Variants in MPHOSPH10 observed in about 807,000 individuals in gnomAD.
MPHOSPH10 encodes the protein U3 small nucleolar ribonucleoprotein MPP10.
A neutral mutation model predicts 77.3 loss-of-function variants in MPHOSPH10; 33 were observed. That is an observed-to-expected ratio of 0.43 (90% CI 0.32 to 0.57). MPHOSPH10 has a LOEUF of 0.57. MPHOSPH10 is among the 20% of genes least tolerant of loss of function. The probability of loss-of-function intolerance (pLI) is 0.07; values close to 1 mark genes in which losing one functional copy is unlikely to be tolerated. For missense variants in MPHOSPH10, 708 were observed against 780.1 expected, an observed-to-expected ratio of 0.91 and a Z score of 1.10; for synonymous variants, 245 against 268.0, an observed-to-expected ratio of 0.91 and a Z score of 0.84.
intron 7 of MPHOSPH10, among the ~76,000 whole-genome samples, chr2:71,143,052 A>G (rs1175978189): frequency 1.3e-5 from 2 of 152,216 alleles, no homozygotes; most frequent in Non-Finnish European, 2.9e-5. Context: ...TTAACACATT[A>G]CATGTAAATA....
chr2:71,148,017 G>C lies in MPHOSPH10; in HGVS notation c.1576G>C (p.Val526Leu). Residue 526 changes from valine to leucine, a missense_variant, in exon 9 of 11, where the codon GTT becomes CTT. Transcript: ENST00000244230. ...TTTCTAGCCTGTACCAGAGATTAAA[G>C]TTGTGTCAAATCTGCCAGCCATAAC... ...IPKPPVPEIK[V>L]VSNLPAITME... 1 of 1,614,036 alleles carries C rather than the reference G, an allele frequency of 6.2e-7. No homozygotes were observed. The highest frequency in any genetic ancestry group is 8.5e-7 in the Non-Finnish European group (1 of 1,179,908).
chr2:71,133,200 A>C lies in MPHOSPH10; in HGVS notation c.392A>C (p.Glu131Ala). Residue 131 changes from glutamate (E) to alanine (A), a missense_variant, in exon 2 of 11, where the codon GAA becomes GCA. Coordinates refer to ENST00000244230, the MANE Select transcript of MPHOSPH10 (RefSeq NM_005791.3). ...EIEADDKEDL[E>A]DLEEEEVSDM... is the part of the protein sequence containing the mutation. ...GAGGCTGATGACAAGGAGGACCTAG[A>C]AGATTTAGAGGAGGAGGAAGTGTCC... 6.2e-7 allele frequency: 1 copy of C among 1,614,186 alleles called. No homozygotes were observed. The highest frequency in any genetic ancestry group is 1.1e-5 in the South Asian group (1 of 91,084).
intron 4 of MPHOSPH10, among the ~76,000 whole-genome samples, chr2:71,137,530 G>A (rs1016421428): frequency 3.3e-5 from 5 of 151,888 alleles, no homozygotes; most frequent in African/African-American, 1.2e-4. Context: ...GTGGTTGCAC[G>A]CGCCTGTGGT....
chr2:71,133,970 T>G lies in MPHOSPH10; in HGVS notation c.791T>G (p.Leu264Arg). Residue 264 changes from leucine to arginine, a missense_variant, in exon 3 of 11, where the codon CTG becomes CGG. By Grantham distance (102) the Leu-to-Arg change is moderately radical. Coordinates refer to ENST00000244230, the MANE Select transcript of MPHOSPH10 (RefSeq NM_005791.3). ...TAGTCAGGTAAAAGTTCCAGAAATC[T>G]GAAATACAAAGATTTTTTTGATCCA... is the stretch of plus-strand genomic sequence containing the variant. ...KLKSGKSSRN[L>R]KYKDFFDPVE... 2 of 1,579,470 alleles carry G rather than the reference T, an allele frequency of 1.3e-6. No individual in the cohort carries two copies. The highest frequency in any genetic ancestry group is 1.7e-6 in the Non-Finnish European group (2 of 1,163,106).
intron 10 of MPHOSPH10, 125 bp from the exon 11 acceptor site, chr2:71,149,741 T>C (rs1673786036): frequency 1.2e-6 from 1 of 868,906 alleles, no homozygotes; most frequent in East Asian, 2.5e-5. Flanking sequence ...TTCAGTTTTC[T>C]GTAATTCTAG....
At chr2:71,131,474 C>T (rs537910024) in intron 1 of MPHOSPH10, among the ~76,000 whole-genome samples, 1 of 152,262 alleles carries the variant, frequency 6.6e-6, no homozygotes, top group African/African-American at 2.4e-5. Flanking sequence ...CTCTGCCATC[C>T]CCTGAAGTCC....
Position 71,134,771 on chromosome 2 carries a change from T to C in MPHOSPH10, c.1072T>C (p.Ser358Pro). The change falls in exon 4 of 11, where the codon TCC (serine) becomes CCC (proline). Residue 358 changes from serine (S) to proline (P), a missense_variant. Physicochemically the swap from Ser to Pro is moderately conservative, Grantham distance 74. Transcript: ENST00000244230. ...NVKKNSDEVK[S>P]SFEKRQEKMN... The stretch of plus-strand genomic sequence containing the variant: ...AAAGAAAAATTCTGATGAAGTTAAA[T>C]CCTCCTTTGAAAAAAGACAGGAAAA... 7.5e-6 allele frequency: 12 copies of C among 1,592,466 alleles called. No homozygotes were observed. The highest frequency in any genetic ancestry group is 1.0e-5 in the Non-Finnish European group (12 of 1,170,968).
chr2:71,131,383 T>C (rs1673375778), intron 1 of MPHOSPH10, among the ~76,000 whole-genome samples: 1 of 152,226 alleles, frequency 6.6e-6, no homozygotes, highest in South Asian at 2.1e-4. Context: ...ATTTTGGTAC[T>C]GTCAAGCATC....
In MPHOSPH10 at chr2:71,132,944, C is replaced by A. The variant is rs751222851; in HGVS notation, c.136C>A (p.Leu46Ile). The change falls in exon 2 of 11, where the codon CTT (leucine) becomes ATT (isoleucine). Residue 46 changes from leucine (L) to isoleucine (I), a missense_variant. Transcript: ENST00000244230. ...ASKFTSLTKV[L>I]YDFNKILENG... The stretch of plus-strand genomic sequence containing the variant: ...AAAGTTCACTTCTTTAACAAAAGTG[C>A]TTTATGACTTTAATAAAATATTAGA... 6.2e-7 allele frequency: 1 copy of A among 1,613,128 alleles called. No individual in the cohort carries two copies. Among genetic ancestry groups the A allele is most frequent in the Non-Finnish European group, 8.5e-7 (1 of 1,179,682 alleles).
At chr2:71,138,101 A>G (rs1673530735) in intron 4 of MPHOSPH10, among the ~76,000 whole-genome samples, 1 of 152,242 alleles carries the variant, frequency 6.6e-6, no homozygotes, top group Admixed American at 6.5e-5. Flanking sequence ...AAATTTTAAA[A>G]AAAGAAGTTA....
intron 4 of MPHOSPH10, 76 bp downstream of exon 4, chr2:71,134,873 A>G: frequency 1.6e-6 from 2 of 1,217,310 alleles, no homozygotes; most frequent in Non-Finnish European, 2.3e-6. Flanking sequence ...ATCCTTTGAA[A>G]ACAAATATCT....
chr2:71,133,836 GTTA>G (rs1673434889), intron 2 of MPHOSPH10, 109 bp from the exon 3 acceptor site: 1 of 906,952 alleles, frequency 1.1e-6, no homozygotes, highest in East Asian at 2.8e-5. Context: ...AGCTTGTAGT[GTTA>G]TTAAGTCAGA....
chr2:71,144,915 T>A (rs1001370580), intron 8 of MPHOSPH10, among the ~76,000 whole-genome samples: 19 of 152,248 alleles, frequency 1.2e-4, no homozygotes, highest in African/African-American at 4.3e-4. Context: ...TGGATATCTA[T>A]ACCAGCATTT....
chr2:71,136,940 AC>A (rs1673506819), intron 4 of MPHOSPH10, among the ~76,000 whole-genome samples: 1 of 149,308 alleles, frequency 6.7e-6, no homozygotes, highest in Admixed American at 6.8e-5. Flanking sequence ...ACACACACAC[AC>A]ACACACACAC....
In MPHOSPH10 at chr2:71,134,014, A is replaced by G. The variant is rs1357019356; in HGVS notation, c.835A>G (p.Ile279Val). The change falls in exon 3 of 11, where the codon ATA (isoleucine) becomes GTA (valine). Residue 279 changes from isoleucine to valine, a missense_variant. Ile to Val is a conservative substitution (Grantham distance 29). Coordinates refer to ENST00000244230, the MANE Select transcript of MPHOSPH10 (RefSeq NM_005791.3). Reference protein sequence around the residue: ...FFDPVESDEDITNVHDDELDS... With the variant: ...FFDPVESDEDVTNVHDDELDS... Reference sequence around the variant, plus strand: ...TGATCCAGTTGAAAGTGATGAAGACATAACAAATGTTCATGATGATGAGCT... The same window carrying G: ...TGATCCAGTTGAAAGTGATGAAGACGTAACAAATGTTCATGATGATGAGCT... The G allele has an allele frequency of 1.9e-6, 3 of 1,608,228 alleles. No individual in the cohort carries two copies. Among genetic ancestry groups the G allele is most frequent in the Middle Eastern group, 1.7e-4 (1 of 6,038 alleles).
At chr2:71,135,339 A>C (rs140019295) in intron 4 of MPHOSPH10, among the ~76,000 whole-genome samples, 1,657 of 151,524 alleles carry the variant, frequency 0.011, 13 homozygotes, top group Non-Finnish European at 0.018. Flanking sequence ...TCAGGTCAGG[A>C]GTTCGAGACC....
At chr2:71,142,082 G>A (rs1673625414) in intron 7 of MPHOSPH10, among the ~76,000 whole-genome samples, 1 of 152,006 alleles carries the variant, frequency 6.6e-6, no homozygotes, top group Admixed American at 6.6e-5. Flanking sequence ...AATAGGACAA[G>A]GTCCTATTCC....
At chr2:71,145,237 G>A (rs904280045) in intron 8 of MPHOSPH10, among the ~76,000 whole-genome samples, 1 of 152,090 alleles carries the variant, frequency 6.6e-6, no homozygotes, top group Non-Finnish European at 1.5e-5. Context: ...CCATCCTTTG[G>A]TACTTGTTCA....
rs768884436 is a variant in MPHOSPH10, at chr2:71,141,207, G to C, written c.1309-25G>C. On this transcript the variant is annotated intron_variant, in intron 6 of 10. Coordinates refer to ENST00000244230, the MANE Select transcript of MPHOSPH10 (RefSeq NM_005791.3). ...AGAAATAAATTGTAGGTTTTGTTAT[G>C]TTCTACCTGCACTTTATGTTTCAGG... is the stretch of plus-strand genomic sequence containing the variant. 5.1e-6 allele frequency: 7 copies of C among 1,360,044 alleles called. No individual in the cohort carries two copies. In the Admixed American group the frequency reaches 1.9e-4, roughly 38 times the overall value. The allele number at this position is 1,360,044 out of a possible 1,614,324, so 84.2% of individuals were successfully genotyped here.
Sources: allele counts gnomAD v4.1 joint callset (sites outside exome capture counted in the v4.1 genomes callset), GRCh38; gene constraint gnomAD v4.1.1; transcripts MANE v1.5; gene names NCBI Gene and HGNC (gene_info 2026-07-23, HGNC 2026-07-21).